The following MAP2K4 variants were observed in gnomAD, a reference collection of about 807,000 sequenced individuals.
MAP2K4 encodes dual specificity mitogen-activated protein kinase kinase 4.
In MAP2K4, 4 loss-of-function variants were observed where a neutral mutation model predicts 48.5. The ratio of observed to expected loss-of-function variants is 0.08; its 90% confidence interval spans 0.04 to 0.19. The LOEUF is 0.19. MAP2K4 is among the 10% of genes least tolerant of loss of function. MAP2K4 has a pLI of 1.00. For missense variants in MAP2K4, 258 were observed against 493.3 expected (o/e 0.52, Z 4.52); for synonymous variants, 166 against 173.1 (o/e 0.96, Z 0.32).
chr17:12,058,841 T>G (rs1970364932), intron 2 of MAP2K4, among the ~76,000 whole-genome samples: 2 of 152,204 alleles, frequency 1.3e-5, no homozygotes, highest in Admixed American at 1.3e-4. Context: ...TCATTAGTTT[T>G]TTTATTTTTA....
chr17:12,028,155 T>C (rs1969320769), intron 1 of MAP2K4, among the ~76,000 whole-genome samples: 1 of 152,214 alleles, frequency 6.6e-6, no homozygotes, highest in Non-Finnish European at 1.5e-5. Context: ...ACTGTCTCAG[T>C]GTACTGTGCT....
intron 1 of MAP2K4, among the ~76,000 whole-genome samples, chr17:12,045,214 G>C (rs1969925547): frequency 6.6e-6 from 1 of 151,930 alleles, no homozygotes; most frequent in Non-Finnish European, 1.5e-5. Flanking sequence ...ATATAAAAAA[G>C]GTTTGGAAGC....
At chr17:12,093,775 C>G (rs971024505) in intron 3 of MAP2K4, among the ~76,000 whole-genome samples, 2 of 152,112 alleles carry the variant, frequency 1.3e-5, no homozygotes, top group Non-Finnish European at 2.9e-5. Flanking sequence ...TATTAAACAA[C>G]TCTTCGTCTG....
At chr17:12,030,765 CTCCT>C (rs1969413247) in intron 1 of MAP2K4, among the ~76,000 whole-genome samples, 1 of 152,154 alleles carries the variant, frequency 6.6e-6, no homozygotes, top group African/African-American at 2.4e-5. Flanking sequence ...CCTCTTCTCT[CTCCT>C]TTTCACCTCT....
intron 1 of MAP2K4, 101 bp from the exon 2 acceptor site, chr17:12,054,788 A>G: frequency 1.5e-6 from 1 of 658,168 alleles, no homozygotes; most frequent in South Asian, 2.1e-5. Flanking sequence ...CTGTTTGTTA[A>G]AGCAAGTTCT....
chr17:12,052,775 A>T (rs1021179062), intron 1 of MAP2K4, among the ~76,000 whole-genome samples: 4 of 152,120 alleles, frequency 2.6e-5, no homozygotes, highest in Admixed American at 1.3e-4. Flanking sequence ...CCTTAACTTA[A>T]TTTTTTCTGT....
chr17:12,104,497 C>T (rs1020841422), intron 4 of MAP2K4, among the ~76,000 whole-genome samples: 6 of 151,942 alleles, frequency 3.9e-5, no homozygotes, highest in African/African-American at 7.3e-5. Context: ...AATGGTATCT[C>T]ACTTTTAAAA....
intron 9 of MAP2K4, among the ~76,000 whole-genome samples, chr17:12,129,975 T>C (rs867529388): frequency 8.5e-5 from 13 of 152,238 alleles, no homozygotes; most frequent in African/African-American, 2.7e-4. Context: ...TTTTGTGTTA[T>C]CATTTGGATA....
At chr17:12,124,650 C>T (rs549571537) in intron 7 of MAP2K4, 1 of 151,834 alleles carries the variant, frequency 6.6e-6, no homozygotes, top group Admixed American at 6.6e-5. Flanking sequence ...CAAATTTGAC[C>T]TAATTCTTTT....
intron 1 of MAP2K4, among the ~76,000 whole-genome samples, chr17:12,035,367 A>G (rs1969560301): frequency 6.6e-6 from 1 of 152,080 alleles, no homozygotes; most frequent in African/African-American, 2.4e-5. Flanking sequence ...AAAATACAAA[A>G]TTAGCTGGGC....
chr17:12,056,289 CTTAAA>C (rs1970280780), intron 2 of MAP2K4, among the ~76,000 whole-genome samples: 1 of 151,810 alleles, frequency 6.6e-6, no homozygotes, highest in Admixed American at 6.6e-5. Context: ...GACAACCTGA[CTTAAA>C]TTAAAACTGG....
At chr17:12,098,499 G>A (rs1164364800) in intron 4 of MAP2K4, among the ~76,000 whole-genome samples, 1 of 150,898 alleles carries the variant, frequency 6.6e-6, no homozygotes, top group African/African-American at 2.4e-5. Flanking sequence ...AAAAGTATGT[G>A]TGTATGTATA....
intron 2 of MAP2K4, among the ~76,000 whole-genome samples, chr17:12,074,474 A>T (rs1350932286): frequency 3.3e-5 from 5 of 152,156 alleles, no homozygotes; most frequent in Non-Finnish European, 7.3e-5. Flanking sequence ...CTTACTAGTA[A>T]GGTAAAATCC....
At chr17:12,054,599 G>C (rs1970233758) in intron 1 of MAP2K4, among the ~76,000 whole-genome samples, 1 of 152,056 alleles carries the variant, frequency 6.6e-6, no homozygotes, top group Non-Finnish European at 1.5e-5. Flanking sequence ...TTTTATAATA[G>C]TATTTTCACT....
chr17:12,053,329 A>G (rs1360573700), intron 1 of MAP2K4, among the ~76,000 whole-genome samples: 4 of 152,056 alleles, frequency 2.6e-5, no homozygotes, highest in African/African-American at 9.7e-5. Flanking sequence ...TGCCATTTTC[A>G]TATGAACAAA....
chr17:12,064,877 A>G (rs1196517030), intron 2 of MAP2K4, among the ~76,000 whole-genome samples: 6 of 152,234 alleles, frequency 3.9e-5, no homozygotes. Flanking sequence ...ACTCTTCCTC[A>G]ATAAAGTGGA....
At chr17:12,100,853 A>G (rs1971914907) in intron 4 of MAP2K4, among the ~76,000 whole-genome samples, 1 of 152,112 alleles carries the variant, frequency 6.6e-6, no homozygotes, top group South Asian at 2.1e-4. Flanking sequence ...TACCAACCGT[A>G]TATCTTTGAT....
intron 7 of MAP2K4, chr17:12,124,222 C>T (rs1972779615): frequency 6.6e-6 from 1 of 152,180 alleles, no homozygotes; most frequent in Non-Finnish European, 1.5e-5. Flanking sequence ...GCATTTCTTT[C>T]AACAGCAGTT....
At chr17:12,086,824 GTTTTT>G (rs1395622435) in intron 3 of MAP2K4, among the ~76,000 whole-genome samples, 4 of 90,082 alleles carry the variant, frequency 4.4e-5, no homozygotes, top group Non-Finnish European at 9.6e-5. Context: ...AGAAAAACCT[GTTTTT>G]TGTTTTGTTT....
Sources: gnomAD v4.1 joint callset for allele counts (sites outside exome capture counted in the v4.1 genomes callset) on GRCh38, gnomAD v4.1.1 for gene constraint, MANE v1.5 for transcripts, NCBI Gene and HGNC (gene_info 2026-07-23, HGNC 2026-07-21) for gene names.